The following PLAGL2 variants were observed in gnomAD, a reference collection of about 807,000 sequenced individuals.
The protein encoded by PLAGL2 is zinc finger protein PLAGL2.
In PLAGL2, 7 loss-of-function variants were observed where a neutral mutation model predicts 29.0. That is an observed-to-expected ratio of 0.24 (90% CI 0.14 to 0.45). PLAGL2 has a LOEUF of 0.45. Ranked by LOEUF, PLAGL2 falls within the 20% of genes least tolerant of loss-of-function variation. PLAGL2 has a pLI of 0.99. For missense variants in PLAGL2, 454 were observed against 648.2 expected (o/e 0.70, Z 3.25); for synonymous variants, 234 against 266.0 (o/e 0.88, Z 1.17).
In PLAGL2 at chr20:32,195,380, TAAC is replaced by T. The variant is rs897773545; in HGVS notation, c.*1069_*1071del. ...ACCCAGACTCTGCTTCCAAGACTAA[TAAC>T]AACAGCTCATGATGTTCAAGGTGGG... is the stretch of plus-strand genomic sequence containing the variant. On this transcript the variant is annotated 3_prime_UTR_variant, in exon 3 of 3. Coordinates refer to ENST00000246229, the MANE Select transcript of PLAGL2 (RefSeq NM_002657.3). The T allele has an allele frequency of 7.2e-5, 11 of 152,722 alleles. No homozygotes were observed. The highest frequency in any genetic ancestry group is 1.3e-4 in the Non-Finnish European group (9 of 68,048). The allele number at this position is 152,722 out of a possible 1,614,324, so 9.5% of individuals were successfully genotyped here. A position where few individuals can be genotyped will look rare whatever the true frequency, so the allele number is the denominator to read the frequency against.
rs558865434 is a variant in PLAGL2 at position 32,204,414 on chromosome 20, G to A, written c.-114-2122C>T. ...TTTAGTAGGCTGCTACTGAAAGAGTGAGTAATGGGCTTCTAGGAAAGAGGC... is the reference window on the plus strand; with the variant it reads ...TTTAGTAGGCTGCTACTGAAAGAGTAAGTAATGGGCTTCTAGGAAAGAGGC... On this transcript the variant is annotated intron_variant, in intron 1 of 2. Coordinates refer to ENST00000246229, the MANE Select transcript of PLAGL2 (RefSeq NM_002657.3). Among the ~76,000 whole-genome samples, 4 of 152,314 alleles carry A rather than the reference G, an allele frequency of 2.6e-5. No homozygotes were observed. In the South Asian group the frequency reaches 8.3e-4, roughly 32 times the overall value.
At chr20:32,198,393 C>G (rs912635767) in intron 2 of PLAGL2, among the ~76,000 whole-genome samples, 1 of 152,186 alleles carries the variant, frequency 6.6e-6, no homozygotes, top group African/African-American at 2.4e-5. Flanking sequence ...GTAATCACAG[C>G]ACTATGGGAG....
chr20:32,197,781 A>G lies in PLAGL2; in HGVS notation c.261-99T>C. On this transcript the variant is annotated intron_variant, in intron 2 of 2. Transcript: ENST00000246229. The surrounding 1 kb of genome is among the most constrained non-coding windows in gnomAD (Gnocchi z 6.6). ...GGTGTCCATTAACAGGAAACTAGAT[A>G]TAAAAACCATGGTAAAGGCTTGCAA... 1.0e-6 allele frequency: 1 copy of G among 982,524 alleles called. No individual in the cohort carries two copies. The highest frequency in any genetic ancestry group is 2.5e-4 in the Middle Eastern group (1 of 4,030). 60.9% of individuals were successfully genotyped at this position (982,524 alleles called of 1,614,324 possible).
At position 32,207,705 on chromosome 20, in the gene PLAGL2, C is replaced by G. The variant is rs566668703; in HGVS notation, c.-179G>C. 6 of 286,116 alleles carry G rather than the reference C, an allele frequency of 2.1e-5. No individual in the cohort carries two copies. The highest frequency in any genetic ancestry group is 3.1e-4 in the South Asian group (2 of 6,552). The allele number at this position is 286,116 out of a possible 1,614,324, so 17.7% of individuals were successfully genotyped here. A position where few individuals can be genotyped will look rare whatever the true frequency, so the allele number is the denominator to read the frequency against. On this transcript the variant is annotated 5_prime_UTR_variant, in exon 1 of 3. Coordinates refer to ENST00000246229, the MANE Select transcript of PLAGL2 (RefSeq NM_002657.3). ...GGCTCCGCCAGGCCCCCTCAGGCCC[C>G]GGTAGTGGCGGCGGTCGGGCCATTG...
intron 2 of PLAGL2, among the ~76,000 whole-genome samples, chr20:32,200,468 C>A (rs1376192119): frequency 6.6e-6 from 1 of 152,072 alleles, no homozygotes; most frequent in East Asian, 1.9e-4. Flanking sequence ...CCTCGTGATC[C>A]GCCTGCCTTG....
intron 2 of PLAGL2, among the ~76,000 whole-genome samples, chr20:32,199,147 G>A (rs1375267642): frequency 1.3e-5 from 2 of 152,272 alleles, no homozygotes; most frequent in East Asian, 1.9e-4. Context: ...CCCTAGCAGA[G>A]GCTGAATTTA....
chr20:32,197,698 G>C lies in PLAGL2; in HGVS notation c.261-16C>G, dbSNP rs201086415. On this transcript the variant is annotated splice_polypyrimidine_tract_variant and intron_variant, in intron 2 of 2. Transcript: ENST00000246229. The surrounding 1 kb of genome is among the most constrained non-coding windows in gnomAD (Gnocchi z 6.6). The stretch of plus-strand genomic sequence containing the variant: ...GGCCATGTGCCTGGGGGTAGAGACA[G>C]GGGATAGGGGAGAAAGCAGAAAGAG... 328 of 1,604,940 alleles carry C rather than the reference G, an allele frequency of 2.0e-4. 3 individuals carry two copies. The highest frequency in any genetic ancestry group is 2.6e-4 in the Non-Finnish European group (304 of 1,173,308).
Position 32,197,076 on chromosome 20 carries a change from G to A in PLAGL2, c.867C>T (p.Phe289=), listed in dbSNP as rs2047233645. Residue 289 remains phenylalanine, a synonymous_variant, in exon 3 of 3, where the codon TTC becomes TTT. Transcript: ENST00000246229. The surrounding 1 kb of genome is among the most constrained non-coding windows in gnomAD (Gnocchi z 6.6). ...ACATGCCCATGGGCAACATGCCAGG[G>A]AAGGCCTTGGTCCCCATTACGTCCC... The part of the protein sequence containing the change: ...ASRDVMGTKA[F]PGMLPMGMYG... 1 of 1,614,200 alleles carries A rather than the reference G, an allele frequency of 6.2e-7. No individual in the cohort carries two copies. The highest frequency in any genetic ancestry group is 8.5e-7 in the Non-Finnish European group (1 of 1,180,036).
At chr20:32,198,128 T>C (rs2047239928) in intron 2 of PLAGL2, among the ~76,000 whole-genome samples, 1 of 152,218 alleles carries the variant, frequency 6.6e-6, no homozygotes, top group Non-Finnish European at 1.5e-5. Flanking sequence ...TGTTTGCTTG[T>C]ATATGGCTAA....
chr20:32,200,485 C>G (rs1035271923), intron 2 of PLAGL2, among the ~76,000 whole-genome samples: 16 of 152,352 alleles, frequency 1.1e-4, no homozygotes, highest in Middle Eastern at 6.8e-3. Context: ...CTTGGCCTCC[C>G]AAAGTGCTGG....
At chr20:32,200,468 C>T (rs1376192119) in intron 2 of PLAGL2, among the ~76,000 whole-genome samples, 4 of 152,072 alleles carry the variant, frequency 2.6e-5, no homozygotes, top group Non-Finnish European at 4.4e-5. Flanking sequence ...CCTCGTGATC[C>T]GCCTGCCTTG....
Position 32,202,207 on chromosome 20 carries a change from A to G in PLAGL2, c.-29T>C. ...AAGGCTAATGGCAAAGGGCCATGTT[A>G]TTGAGAAAGCCTCCCCATCCGCTCC... On this transcript the variant is annotated 5_prime_UTR_variant, in exon 2 of 3. It removes the in-frame stop codon of an upstream open reading frame in the 5' UTR. Transcript: ENST00000246229. 1 of 1,609,946 alleles carries G rather than the reference A, an allele frequency of 6.2e-7. No homozygotes were observed. Among genetic ancestry groups the G allele is most frequent in the Non-Finnish European group, 8.5e-7 (1 of 1,176,974 alleles).
Position 32,201,996 on chromosome 20 carries a change from C to G in PLAGL2, c.183G>C (p.Pro61=), listed in dbSNP as rs1923097. 7 of 1,613,930 alleles carry G rather than the reference C, an allele frequency of 4.3e-6. No homozygotes were observed. The highest frequency in any genetic ancestry group is 5.9e-6 in the Non-Finnish European group (7 of 1,179,904). The stretch of plus-strand genomic sequence containing the variant: ...AGCTATATGGTCTCTGCTCTGGTTG[C>G]GGGAGGCTGTGAGGCCTCAGCTTCT... ...NGEKLRPHSL[P]QPEQRPYSCP... The change falls in exon 2 of 3, where the codon CCG becomes CCC. Residue 61 remains proline (P), a synonymous_variant. Transcript: ENST00000246229.
At chr20:32,204,760 G>A (rs981428814) in intron 1 of PLAGL2, among the ~76,000 whole-genome samples, 1 of 152,204 alleles carries the variant, frequency 6.6e-6, no homozygotes, top group Non-Finnish European at 1.5e-5. Flanking sequence ...TGTTCCTTCA[G>A]ACTTGTCCTT....
In PLAGL2 at chr20:32,202,275, A is replaced by G; in HGVS notation, c.-97T>C. 1 of 1,262,378 alleles carries G rather than the reference A, an allele frequency of 7.9e-7. No individual in the cohort carries two copies. 78.2% of individuals were successfully genotyped at this position (1,262,378 alleles called of 1,614,324 possible). ...TGTCACAGCCTCCAACGCAGCTTTC[A>G]GAAAACAATCTCTTCACCTGAAACA... On this transcript the variant is annotated 5_prime_UTR_variant, in exon 2 of 3. The change abolishes the stop of an existing upstream ORF in the 5' untranslated region. Transcript: ENST00000246229.
rs773625583 is a variant in PLAGL2, at chr20:32,193,592, A to AG, written c.*2859dup. The AG allele has an allele frequency of 6.6e-6, 1 of 152,368 alleles. No homozygotes were observed. Among genetic ancestry groups the AG allele is most frequent in the Non-Finnish European group, 1.5e-5 (1 of 68,182 alleles). The allele number at this position is 152,368 out of a possible 1,614,324, so 9.4% of individuals were successfully genotyped here. A position where few individuals can be genotyped will look rare whatever the true frequency, so the allele number is the denominator to read the frequency against. On this transcript the variant is annotated 3_prime_UTR_variant, in exon 3 of 3. Transcript: ENST00000246229. ...GGCAGAGGCTGGAGGTGGCAGGGAAAGGGGACATCACTTTTTTTCCTGGTC... is the reference window on the plus strand; with the variant it reads ...GGCAGAGGCTGGAGGTGGCAGGGAAAGGGGGACATCACTTTTTTTCCTGGTC...
Position 32,203,844 on chromosome 20 carries a change from C to T in PLAGL2, c.-114-1552G>A, listed in dbSNP as rs1020063465. Reference sequence around the variant, plus strand: ...ACACTGCGATGTAATATGATAAACACGTCCCCATCACGAGTGTAGATTTGT... The same window carrying T: ...ACACTGCGATGTAATATGATAAACATGTCCCCATCACGAGTGTAGATTTGT... On this transcript the variant is annotated intron_variant, in intron 1 of 2. Transcript: ENST00000246229. 7.2e-5 allele frequency among the ~76,000 whole-genome samples: 11 copies of T among 152,156 alleles called. No homozygotes were observed. The East Asian group carries it at 7.7e-4, about 11-fold the overall frequency.
At chr20:32,202,347 T>C (rs746341984) in intron 1 of PLAGL2, 55 bp from the exon 2 acceptor site, 6 of 640,626 alleles carry the variant, frequency 9.4e-6, no homozygotes, top group Non-Finnish European at 1.6e-5. Flanking sequence ...GAACATGGGC[T>C]CTGGAAGCAG....
At chr20:32,204,989 A>C (rs530577744) in intron 1 of PLAGL2, among the ~76,000 whole-genome samples, 1 of 152,360 alleles carries the variant, frequency 6.6e-6, no homozygotes, top group Non-Finnish European at 1.5e-5. Context: ...TGGACTTGCT[A>C]TCAGAAGAGC....
Sources: gnomAD v4.1 joint callset for allele counts (sites outside exome capture counted in the v4.1 genomes callset) on GRCh38, gnomAD v4.1.1 for gene constraint, Gnocchi (gnomAD v3.1) non-coding constraint, MANE v1.5 for transcripts, NCBI Gene and HGNC (gene_info 2026-07-23, HGNC 2026-07-21) for gene names.